Variants in PRKAG1 observed in about 807,000 individuals in gnomAD.
The protein encoded by PRKAG1 is 5'-AMP-activated protein kinase subunit gamma-1.
Under a neutral mutation model 48.2 loss-of-function variants are expected in PRKAG1, and 27 were observed. The observed-to-expected ratio is 0.56, with a 90% CI of 0.41 to 0.77. The LOEUF is 0.77. PRKAG1 is among the 30% of genes least tolerant of loss of function. The pLI is 0.00. For synonymous variants in PRKAG1, 130 were observed against 147.7 expected, an observed-to-expected ratio of 0.88 and a Z score of 0.87; for missense variants, 287 against 398.3, an observed-to-expected ratio of 0.72 and a Z score of 2.38.
In PRKAG1 at chr12:49,003,209, C is replaced by T; in HGVS notation, c.823G>A (p.Gly275Ser). The change falls in exon 11 of 12, where the codon GGT becomes AGT. Residue 275 changes from glycine (G) to serine (S), a missense_variant. Coordinates refer to ENST00000548065, the MANE Select transcript of PRKAG1 (RefSeq NM_002733.5). ...TCATGCAGGTAGCACTTGAGAACAC[C>T]CTCAAAGTAATGTGATCGATGTTGC... ...ALQHRSHYFE[G>S]VLKCYLHETL... is the part of the protein sequence containing the mutation. 1 of 1,614,100 alleles carries T rather than the reference C, an allele frequency of 6.2e-7. No individual in the cohort carries two copies. Among genetic ancestry groups the T allele is most frequent in the Non-Finnish European group, 8.5e-7 (1 of 1,180,020 alleles).
At chr12:49,003,401 C>T (rs2137649688) in intron 10 of PRKAG1, 111 bp from the exon 11 acceptor site, 2 of 1,541,888 alleles carry the variant, frequency 1.3e-6, no homozygotes, top group African/African-American at 1.4e-5. Flanking sequence ...CCACAAGCCA[C>T]ACCCAACTCA....
At chr12:49,006,855 G>A (rs1306415396) in intron 2 of PRKAG1, among the ~76,000 whole-genome samples, 1 of 152,078 alleles carries the variant, frequency 6.6e-6, no homozygotes, top group African/African-American at 2.4e-5. Context: ...TGTAATCCCA[G>A]CTACTCGGGA....
intron 2 of PRKAG1, among the ~76,000 whole-genome samples, chr12:49,011,505 A>G (rs1941760153): frequency 6.6e-6 from 1 of 151,052 alleles, no homozygotes; most frequent in East Asian, 1.9e-4. Context: ...CCCAGACTTG[A>G]AGATCTGGCA....
chr12:49,004,910 G>A, intron 7 of PRKAG1, 54 bp downstream of exon 7: 4 of 1,568,044 alleles, frequency 2.6e-6, no homozygotes, highest in Non-Finnish European at 3.5e-6. Context: ...GCATTAGCTA[G>A]GCTGATGACA....
chr12:49,003,844 T>C lies in PRKAG1; in HGVS notation c.616A>G (p.Met206Val), dbSNP rs370287742. 1.3e-5 allele frequency: 21 copies of C among 1,613,924 alleles called. No individual in the cohort carries two copies. Among genetic ancestry groups the C allele is most frequent in the African/African-American group, 4.0e-5 (3 of 74,900 alleles). ...TAGACGGGGGTGGTAGTGCGAACCA[T>C]AGCAATATTGGCATAGGTGCCAATC... is the stretch of plus-strand genomic sequence containing the variant. The part of the protein sequence containing the change: ...LQIGTYANIA[M>V]VRTTTPVYVA... The change falls in exon 9 of 12, where the codon ATG (methionine) becomes GTG (valine). Residue 206 changes from methionine to valine, a missense_variant. Physicochemically the swap from Met to Val is conservative, Grantham distance 21. This residue lies in a region of PRKAG1 where 224 missense variants were observed against 344.3 expected (regional missense o/e 0.65). Coordinates refer to ENST00000548065, the MANE Select transcript of PRKAG1 (RefSeq NM_002733.5).
In PRKAG1 at chr12:49,005,431, A is replaced by G. The variant is rs1469289824; in HGVS notation, c.250+31T>C. ...TCTCCCTGCCCAGCACAAGATGCCA[A>G]TAATATTGTGTTCCAGAAACTTTTG... On this transcript the variant is annotated intron_variant, in intron 4 of 11. Transcript: ENST00000548065. The surrounding 1 kb of genome is among the most constrained non-coding windows in gnomAD (Gnocchi z 4.1). 5 of 1,614,082 alleles carry G rather than the reference A, an allele frequency of 3.1e-6. No homozygotes were observed. The highest frequency in any genetic ancestry group is 1.1e-5 in the South Asian group (1 of 90,984).
intron 2 of PRKAG1, among the ~76,000 whole-genome samples, chr12:49,010,848 C>CTTTTTTTTTTTTTTTTTTT (rs34751625): frequency 1.4e-5 from 2 of 142,880 alleles, no homozygotes; most frequent in African/African-American, 5.1e-5. Flanking sequence ...AATGTACCAC[C>CTTTTTTTTTTTTTTTTTTT]TTTTTTTTTT....
intron 2 of PRKAG1, chr12:49,009,180 A>G (rs1941665044): frequency 6.6e-6 from 1 of 150,584 alleles, no homozygotes; most frequent in Admixed American, 6.6e-5. Flanking sequence ...CTGGAGTACA[A>G]TGGCGAGATC....
intron 1 of PRKAG1, chr12:49,017,637 G>A (rs1230047211): frequency 6.4e-6 from 1 of 156,036 alleles, no homozygotes; most frequent in East Asian, 1.9e-4. Context: ...CAAGTAAGTA[G>A]AATATGACAT....
At chr12:49,004,360 T>G in intron 8 of PRKAG1, 147 bp downstream of exon 8, 1 of 1,002,624 alleles carries the variant, frequency 1.0e-6, no homozygotes, top group Non-Finnish European at 1.5e-6. Context: ...TCCTAGCACT[T>G]TGGGAGGCTG....
chr12:49,005,487 C>T lies in PRKAG1; in HGVS notation c.225G>A (p.Trp75Ter). The T allele has an allele frequency of 6.2e-7, 1 of 1,614,108 alleles. No homozygotes were observed. Among genetic ancestry groups the T allele is most frequent in the Non-Finnish European group, 8.5e-7 (1 of 1,180,012 alleles). The change falls in exon 4 of 12, where the codon TGG becomes TGA. Residue 75 changes from tryptophan (W) to a stop codon, truncating the protein, a stop_gained. Coordinates refer to ENST00000548065, the MANE Select transcript of PRKAG1 (RefSeq NM_002733.5). LOFTEE classifies it high-confidence loss of function. The surrounding 1 kb of genome is among the most constrained non-coding windows in gnomAD (Gnocchi z 4.1). ...CCACAAAACTTTGCTTCTTACTATC[C>T]CATAAAGGGGCAGCTCGTACACCGT... ...VTNGVRAAPLWDSKKQSFVGM... is the reference protein window; with the variant it reads ...VTNGVRAAPL
At chr12:49,006,161 C>T (rs547855817) in intron 2 of PRKAG1, among the ~76,000 whole-genome samples, 1 of 152,248 alleles carries the variant, frequency 6.6e-6, no homozygotes, top group East Asian at 1.9e-4. Context: ...AAATGTTTCT[C>T]ATCTTTAATC....
chr12:49,006,118 T>G (rs1941526793), intron 2 of PRKAG1, among the ~76,000 whole-genome samples: 1 of 152,222 alleles, frequency 6.6e-6, no homozygotes, highest in Non-Finnish European at 1.5e-5. Flanking sequence ...ACATAAAGCC[T>G]ATAGTATCTC....
chr12:49,014,634 A>G (rs148804205), intron 1 of PRKAG1, among the ~76,000 whole-genome samples: 96 of 152,348 alleles, frequency 6.3e-4, no homozygotes, highest in African/African-American at 2.3e-3. Context: ...AATGACTGAG[A>G]GGTGGATAAG....
At chr12:49,017,907 G>A (rs1942058691) in intron 1 of PRKAG1, 1 of 152,256 alleles carries the variant, frequency 6.6e-6, no homozygotes, top group East Asian at 1.9e-4. Flanking sequence ...TAAAAACCAA[G>A]ATGGAAAGAG....
chr12:49,018,398 G>A (rs1592292091), intron 1 of PRKAG1: 2 of 1,164,718 alleles, frequency 1.7e-6, no homozygotes, highest in South Asian at 2.8e-5. Flanking sequence ...ACAACCCTGC[G>A]CTCTCAAACC....
intron 1 of PRKAG1, chr12:49,016,863 T>A (rs1941995587): frequency 1.1e-5 from 3 of 273,570 alleles, no homozygotes; most frequent in South Asian, 9.4e-5. Flanking sequence ...AAGTTCAAAT[T>A]TAGCATGGTG....
At chr12:49,010,635 A>G (rs972999916) in intron 2 of PRKAG1, among the ~76,000 whole-genome samples, 4 of 151,998 alleles carry the variant, frequency 2.6e-5, no homozygotes, top group Middle Eastern at 3.2e-3. Flanking sequence ...TAGACCTTCA[A>G]TGCTTCTTGG....
chr12:49,009,730 A>C (rs954290703), intron 2 of PRKAG1, among the ~76,000 whole-genome samples: 1 of 152,074 alleles, frequency 6.6e-6, no homozygotes, highest in Non-Finnish European at 1.5e-5. Context: ...CTCCTGTCTC[A>C]GCCTCCCGAG....
Sources: allele counts gnomAD v4.1 joint callset (sites outside exome capture counted in the v4.1 genomes callset), GRCh38; gene constraint gnomAD v4.1.1; regional missense constraint gnomAD v4.1.1; non-coding constraint Gnocchi (gnomAD v3.1); transcripts MANE v1.5; gene names NCBI Gene and HGNC (gene_info 2026-07-23, HGNC 2026-07-21).